Variants in MED12L observed in about 807,000 individuals in gnomAD.
The protein encoded by MED12L is mediator of RNA polymerase II transcription subunit 12-like protein.
In MED12L, 60 loss-of-function variants were observed where a neutral mutation model predicts 281.3. That is an observed-to-expected ratio of 0.21 (90% CI 0.17 to 0.26). The LOEUF is 0.26. Ranked by LOEUF, MED12L falls within the 10% of genes least tolerant of loss-of-function variation. The pLI is 1.00. For missense variants in MED12L, 2,146 were observed against 2,680.9 expected, an observed-to-expected ratio of 0.80 and a Z score of 4.41; for synonymous variants, 974 against 987.2, an observed-to-expected ratio of 0.99 and a Z score of 0.25.
intron 16 of MED12L, among the ~76,000 whole-genome samples, chr3:151,235,719 A>ATAAG (rs1449554666): frequency 9.3e-6 from 1 of 107,390 alleles, no homozygotes; most frequent in African/African-American, 3.5e-5. Context: ...AAATAAATAA[A>ATAAG]TAAGTAAAAG....
chr3:151,188,947 C>CTTT (rs3069359), intron 13 of MED12L, among the ~76,000 whole-genome samples: 1 of 151,838 alleles, frequency 6.6e-6, no homozygotes, highest in African/African-American at 2.4e-5. Context: ...ATCTCAAGCT[C>CTTT]TTTTTTTTGC....
chr3:151,101,800 C>A (rs915240954), intron 2 of MED12L, among the ~76,000 whole-genome samples: 1 of 152,006 alleles, frequency 6.6e-6, no homozygotes, highest in Non-Finnish European at 1.5e-5. Context: ...ACAGTGGAGT[C>A]GGAGAGGCTG....
intron 16 of MED12L, among the ~76,000 whole-genome samples, chr3:151,293,370 G>A (rs1276646787): frequency 6.6e-6 from 1 of 151,988 alleles, no homozygotes; most frequent in Non-Finnish European, 1.5e-5. Flanking sequence ...CTGTTAATGC[G>A]TCTCCCACGA....
intron 11 of MED12L, among the ~76,000 whole-genome samples, chr3:151,169,881 C>T (rs1217530856): frequency 1.3e-5 from 2 of 152,188 alleles, no homozygotes; most frequent in Non-Finnish European, 2.9e-5. Context: ...TACTAGAAGT[C>T]GTGTCTAGGT....
chr3:151,094,491 A>G (rs1453226314), intron 2 of MED12L, among the ~76,000 whole-genome samples: 4 of 152,206 alleles, frequency 2.6e-5, no homozygotes, highest in Non-Finnish European at 5.9e-5. Flanking sequence ...CCTCCTACGT[A>G]TTCCTCCCCA....
At chr3:151,241,205 C>G (rs78799275) in intron 16 of MED12L, among the ~76,000 whole-genome samples, 1,958 of 152,222 alleles carry the variant, frequency 0.013, 48 homozygotes, top group African/African-American at 0.046. Context: ...GAGACTATAT[C>G]TCTTTAGTTG....
chr3:151,359,837 A>G (rs1754389679), intron 20 of MED12L, among the ~76,000 whole-genome samples: 1 of 152,152 alleles, frequency 6.6e-6, no homozygotes, highest in African/African-American at 2.4e-5. Flanking sequence ...GCTGTGGTGT[A>G]TGGACTTCTG....
chr3:151,100,337 T>G (rs1387474216), intron 2 of MED12L, among the ~76,000 whole-genome samples: 1 of 152,214 alleles, frequency 6.6e-6, no homozygotes, highest in Non-Finnish European at 1.5e-5. Context: ...CAATTAAAAT[T>G]TGGTAGAATT....
chr3:151,416,236 T>C lies in MED12L; in HGVS notation c.6298-76T>C, dbSNP rs1577599601. The C allele has an allele frequency of 3.7e-6, 6 of 1,610,574 alleles. 1 individual carries two copies. In the East Asian group the frequency reaches 6.7e-5, roughly 18 times the overall value. On this transcript the variant is annotated intron_variant, in intron 42 of 44. Transcript: ENST00000687756. ...TACAACATAAAAATTAGATAAAAGG[T>C]ATATGGGGGAAACAGATTCAGCAAT...
Position 151,408,469 on chromosome 3 carries a change from A to G in MED12L, c.5821-774A>G, listed in dbSNP as rs192031575. 3.3e-5 allele frequency among the ~76,000 whole-genome samples: 5 copies of G among 152,272 alleles called. No individual in the cohort carries two copies. The South Asian group carries it at 1.0e-3, about 32-fold the overall frequency. On this transcript the variant is annotated intron_variant, in intron 39 of 44. Coordinates refer to ENST00000687756, the MANE Select transcript of MED12L (RefSeq NM_001393769.1). The stretch of plus-strand genomic sequence containing the variant: ...ACAATAAATCTCATTCTTTACAATC[A>G]GTAAGTCCTGAAAAAAAAACAGAGT...
chr3:151,241,313 AT>A (rs1734032350), intron 16 of MED12L, among the ~76,000 whole-genome samples: 2 of 152,196 alleles, frequency 1.3e-5, no homozygotes, highest in South Asian at 4.1e-4. Context: ...AAATATATGT[AT>A]TTGTATCAAT....
intron 11 of MED12L, among the ~76,000 whole-genome samples, chr3:151,184,716 G>T (rs1196895996): frequency 2.0e-5 from 3 of 152,180 alleles, no homozygotes; most frequent in Non-Finnish European, 4.4e-5. Flanking sequence ...CCTAGACCCG[G>T]CTGCTGTCCT....
chr3:151,216,743 C>G (rs771697335), intron 16 of MED12L, among the ~76,000 whole-genome samples: 1 of 152,150 alleles, frequency 6.6e-6, no homozygotes, highest in Non-Finnish European at 1.5e-5. Context: ...GGTCTTCTAT[C>G]GCCTTTCTCC....
intron 11 of MED12L, among the ~76,000 whole-genome samples, chr3:151,181,660 A>G (rs1722716320): frequency 7.3e-6 from 1 of 137,348 alleles, no homozygotes; most frequent in East Asian, 2.2e-4. Flanking sequence ...ATCTTGGCTC[A>G]CTGCAGCCTC....
rs776243104 is a variant in MED12L at position 151,122,990 on chromosome 3, T to C, written c.396+16T>C. On this transcript the variant is annotated intron_variant, in intron 4 of 44. Transcript: ENST00000687756. ...GGCAAAAAAGGTATCAAATATTTCT[T>C]ACATTGTTTTAGTTATGGTCTTATA... is the stretch of plus-strand genomic sequence containing the variant. The C allele has an allele frequency of 5.7e-6, 9 of 1,573,180 alleles. No homozygotes were observed. The highest frequency in any genetic ancestry group is 7.8e-6 in the Non-Finnish European group (9 of 1,152,086).
chr3:151,265,733 A>G (rs1232497022), intron 16 of MED12L, among the ~76,000 whole-genome samples: 1 of 152,164 alleles, frequency 6.6e-6, no homozygotes, highest in East Asian at 1.9e-4. Flanking sequence ...TGGTGTCCCC[A>G]TCTCAGCCTC....
At chr3:151,256,936 T>A (rs1737933579) in intron 16 of MED12L, among the ~76,000 whole-genome samples, 1 of 151,516 alleles carries the variant, frequency 6.6e-6, no homozygotes, top group African/African-American at 2.4e-5. Flanking sequence ...ATTTGCCAAA[T>A]CAAATATCAC....
intron 42 of MED12L, 112 bp from the exon 43 acceptor site, chr3:151,416,200 A>G (rs1577599561): frequency 6.4e-7 from 1 of 1,571,542 alleles, no homozygotes; most frequent in Admixed American, 1.7e-5. Flanking sequence ...GCAGGTATAT[A>G]TTGTTTTTAC....
At chr3:151,366,150 C>A (rs1175832729) in intron 23 of MED12L, among the ~76,000 whole-genome samples, 159 bp downstream of exon 23, 1 of 151,890 alleles carries the variant, frequency 6.6e-6, no homozygotes, top group Non-Finnish European at 1.5e-5. Context: ...AATGACATTG[C>A]CAGGGATTAA....
Sources: gnomAD v4.1 joint callset for allele counts (sites outside exome capture counted in the v4.1 genomes callset) on GRCh38, gnomAD v4.1.1 for gene constraint, MANE v1.5 for transcripts, NCBI Gene and HGNC (gene_info 2026-07-23, HGNC 2026-07-21) for gene names.